Variants in GOLM1 observed in about 807,000 individuals in gnomAD.
GOLM1 encodes the protein epididymis luminal protein 46.
GOLM1 carries 31 observed loss-of-function variants against 50.5 expected under a neutral mutation model. That is an observed-to-expected ratio of 0.61 (90% confidence interval 0.46 to 0.83). The LOEUF (loss-of-function observed/expected upper bound fraction) is 0.83, where lower values mean the gene tolerates loss of function less well. Ranked by LOEUF, GOLM1 falls within the 40% of genes least tolerant of loss-of-function variation. GOLM1 has a pLI of 0.00. For synonymous variants in GOLM1, 178 were observed against 192.8 expected (o/e 0.92, Z 0.64); for missense variants, 491 against 501.3 (o/e 0.98, Z 0.20).
At chr9:86,051,597 G>A (rs1378862672) in intron 4 of GOLM1, among the ~76,000 whole-genome samples, 1 of 152,212 alleles carries the variant, frequency 6.6e-6, no homozygotes, top group Non-Finnish European at 1.5e-5. Context: ...ACCAGAGGCT[G>A]CCTGAGGGAA....
intron 5 of GOLM1, among the ~76,000 whole-genome samples, chr9:86,044,856 G>A (rs1231547912): frequency 6.6e-6 from 1 of 151,994 alleles, no homozygotes; most frequent in Non-Finnish European, 1.5e-5. Context: ...GGAGGCTGAG[G>A]CAGGAGAATC....
In GOLM1 at chr9:86,083,170, C is replaced by T. The variant is rs150398568; in HGVS notation, c.-21-3829G>A. Among the ~76,000 whole-genome samples the T allele has an allele frequency of 3.8e-3, 573 of 152,264 alleles. 2 individuals are homozygous for T. The highest frequency in any genetic ancestry group is 0.01 in the African/African-American group (434 of 41,536). ...CAGGACCCCCTGAGGACACCAAAAG[C>T]CAAGGATGTTCAAGTCTCTTATATA... On this transcript the variant is annotated intron_variant, in intron 1 of 9. Transcript: ENST00000388712.
chr9:86,085,835 C>CA (rs759668717), intron 1 of GOLM1, among the ~76,000 whole-genome samples: 64 of 152,290 alleles, frequency 4.2e-4, no homozygotes, highest in Middle Eastern at 3.4e-3. Context: ...CATAGTATTC[C>CA]ATGGTGTATA....
Position 86,056,139 on chromosome 9 carries a change from C to G in GOLM1, c.310-3548G>C, listed in dbSNP as rs200416876. On this transcript the variant is annotated intron_variant, in intron 3 of 9. Transcript: ENST00000388712. ...TCTGTCCATTCCCCTTAGCTCCCCT[C>G]CCGACCCAAATCACATTAGTGCTTA... Among the ~76,000 whole-genome samples the G allele has an allele frequency of 4.6e-4, 9 of 19,418 alleles. No individual in the cohort carries two copies. In the African/African-American group the frequency reaches 4.7e-3, roughly 10 times the overall value. 12.7% of individuals were successfully genotyped at this position (19,418 alleles called of 152,430 possible).
At chr9:86,076,047 A>G (rs1171511292) in intron 3 of GOLM1, among the ~76,000 whole-genome samples, 1 of 152,204 alleles carries the variant, frequency 6.6e-6, no homozygotes, top group Non-Finnish European at 1.5e-5. Flanking sequence ...GAGACAATTC[A>G]AGATAATGGA....
At chr9:86,070,849 A>C (rs1197666469) in intron 3 of GOLM1, among the ~76,000 whole-genome samples, 1 of 152,154 alleles carries the variant, frequency 6.6e-6, no homozygotes, top group Non-Finnish European at 1.5e-5. Flanking sequence ...TACACACAGA[A>C]ATGTAGGGCC....
At chr9:86,082,025 C>CTTTTTTTTTT (rs35208119) in intron 1 of GOLM1, among the ~76,000 whole-genome samples, 3 of 84,502 alleles carry the variant, frequency 3.6e-5, no homozygotes, top group Non-Finnish European at 4.4e-5. Context: ...ACCTGGGACA[C>CTTTTTTTTTT]TTTTTTTTTT....
At chr9:86,033,129 C>T (rs1287818202) in intron 9 of GOLM1, among the ~76,000 whole-genome samples, 153 bp downstream of exon 9, 1 of 152,174 alleles carries the variant, frequency 6.6e-6, no homozygotes, top group African/African-American at 2.4e-5. Flanking sequence ...CCTCCACTGC[C>T]CCTGGTTTAA....
chr9:86,043,592 T>C (rs1355869954), intron 5 of GOLM1, among the ~76,000 whole-genome samples: 2 of 152,190 alleles, frequency 1.3e-5, no homozygotes, highest in African/African-American at 4.8e-5. Context: ...AACTAGCTTT[T>C]TTTTGCTTCC....
chr9:86,035,739 G>A, intron 7 of GOLM1, 114 bp from the exon 8 acceptor site: 1 of 952,666 alleles, frequency 1.0e-6, no homozygotes, highest in Non-Finnish European at 1.6e-6. Flanking sequence ...CCAAGGAGTG[G>A]GGGTGGGGTG....
At chr9:86,036,248 G>A (rs778545475) in intron 7 of GOLM1, 100 bp downstream of exon 7, 204 of 1,242,966 alleles carry the variant, frequency 1.6e-4, no homozygotes, top group Non-Finnish European at 1.5e-4. Flanking sequence ...TGGCTGCGCC[G>A]CTGCCGGGTT....
At chr9:86,035,284 A>G in intron 8 of GOLM1, 84 bp downstream of exon 8, 1 of 1,551,822 alleles carries the variant, frequency 6.4e-7, no homozygotes, top group Non-Finnish European at 8.7e-7. Context: ...TCAGGGTGAT[A>G]TGTTGGTGCT....
At chr9:86,059,502 T>C (rs891591338) in intron 3 of GOLM1, among the ~76,000 whole-genome samples, 1 of 152,104 alleles carries the variant, frequency 6.6e-6, no homozygotes, top group Non-Finnish European at 1.5e-5. Flanking sequence ...AATAGGCAGA[T>C]CTCTAGAGAC....
chr9:86,093,025 C>G (rs1835234067), intron 1 of GOLM1, among the ~76,000 whole-genome samples: 1 of 152,200 alleles, frequency 6.6e-6, no homozygotes, highest in Non-Finnish European at 1.5e-5. Flanking sequence ...ATCAGCTAAA[C>G]TCTGTGAGGC....
At chr9:86,091,366 A>G (rs1047912352) in intron 1 of GOLM1, among the ~76,000 whole-genome samples, 1 of 152,198 alleles carries the variant, frequency 6.6e-6, no homozygotes, top group Admixed American at 6.5e-5. Flanking sequence ...TTACATTTAA[A>G]TTGTTCATCC....
chr9:86,026,301 GTACTC>G lies in GOLM1; in HGVS notation c.*1511_*1515del. ...GAAGAGGACTTAGAAGAGTATGAAA[GTACTC>G]TAAGATTTTATCTAAGTTGCCTTTT... is the stretch of plus-strand genomic sequence containing the variant. On this transcript the variant is annotated 3_prime_UTR_variant, in exon 10 of 10. Coordinates refer to ENST00000388712, the MANE Select transcript of GOLM1 (RefSeq NM_016548.4). The G allele has an allele frequency of 1.0e-6, 1 of 984,052 alleles. No homozygotes were observed. The highest frequency in any genetic ancestry group is 1.2e-6 in the Non-Finnish European group (1 of 828,710). The allele number at this position is 984,052 out of a possible 1,614,324, so 61.0% of individuals were successfully genotyped here.
chr9:86,082,795 T>A (rs1165827447), intron 1 of GOLM1, among the ~76,000 whole-genome samples: 1 of 152,202 alleles, frequency 6.6e-6, no homozygotes, highest in Non-Finnish European at 1.5e-5. Context: ...GATATTTGTA[T>A]TTTTTAACCT....
At chr9:86,058,194 G>C (rs1834045356) in intron 3 of GOLM1, among the ~76,000 whole-genome samples, 2 of 152,136 alleles carry the variant, frequency 1.3e-5, no homozygotes, top group African/African-American at 4.8e-5. Flanking sequence ...CTATTCAATA[G>C]AAATAAAATG....
intron 4 of GOLM1, among the ~76,000 whole-genome samples, chr9:86,047,568 T>A (rs1587706671): frequency 6.6e-6 from 1 of 151,092 alleles, no homozygotes; most frequent in Non-Finnish European, 1.5e-5. Flanking sequence ...GGGTGGGGGG[T>A]CCTGGAGCGG....
Sources: allele counts gnomAD v4.1 joint callset (sites outside exome capture counted in the v4.1 genomes callset), GRCh38; gene constraint gnomAD v4.1.1; transcripts MANE v1.5; gene names NCBI Gene and HGNC (gene_info 2026-07-23, HGNC 2026-07-21).